Variants in FRMD4B observed in about 807,000 individuals in gnomAD.
FRMD4B encodes the protein FERM domain-containing protein 4B.
A neutral mutation model predicts 141.5 loss-of-function variants in FRMD4B; 74 were observed. The ratio of observed to expected loss-of-function variants is 0.52; its 90% CI spans 0.43 to 0.63. The LOEUF is 0.63. Among genes scored for constraint, FRMD4B ranks in the 30% least tolerant of loss-of-function variants. FRMD4B has a pLI of 0.00. For synonymous variants in FRMD4B, 506 were observed against 467.9 expected, an observed-to-expected ratio of 1.08 and a Z score of -1.05; for missense variants, 1,366 against 1,253.4, an observed-to-expected ratio of 1.09 and a Z score of -1.36.
At chr3:69,272,357 A>G (rs2093598305) in intron 5 of FRMD4B, among the ~76,000 whole-genome samples, 1 of 152,158 alleles carries the variant, frequency 6.6e-6, no homozygotes, top group African/African-American at 2.4e-5. Context: ...TCTAGGTTTT[A>G]GCATGTTGGC....
At chr3:69,494,706 A>C (rs1706356654) in intron 1 of FRMD4B, among the ~76,000 whole-genome samples, 1 of 152,192 alleles carries the variant, frequency 6.6e-6, no homozygotes, top group South Asian at 2.1e-4. Context: ...AGCCTGACCA[A>C]CATGGTGAAA....
At chr3:69,415,431 ACCTCT>A (rs1704841134) in intron 2 of FRMD4B, among the ~76,000 whole-genome samples, 1 of 151,494 alleles carries the variant, frequency 6.6e-6, no homozygotes, top group Non-Finnish European at 1.5e-5. Context: ...AGCCCCATCT[ACCTCT>A]CCCTTGCCCC....
intron 4 of FRMD4B, among the ~76,000 whole-genome samples, chr3:69,288,659 G>A (rs917615562): frequency 4.6e-5 from 7 of 152,212 alleles, no homozygotes; most frequent in Non-Finnish European, 1.0e-4. Flanking sequence ...GTGCGAGTGG[G>A]CAAGCTGGGG....
chr3:69,279,551 C>T (rs930201675), intron 5 of FRMD4B, among the ~76,000 whole-genome samples: 1 of 152,186 alleles, frequency 6.6e-6, no homozygotes, highest in Non-Finnish European at 1.5e-5. Flanking sequence ...CCTCAAACTC[C>T]TGTGCTCAAG....
At chr3:69,271,269 C>G (rs959564786) in intron 5 of FRMD4B, among the ~76,000 whole-genome samples, 22 of 152,188 alleles carry the variant, frequency 1.4e-4, no homozygotes, top group African/African-American at 5.1e-4. Context: ...CTTGGGCTGG[C>G]GATATACCAG....
chr3:69,329,294 T>C (rs1702284223), intron 1 of FRMD4B, among the ~76,000 whole-genome samples: 1 of 152,146 alleles, frequency 6.6e-6, no homozygotes, highest in African/African-American at 2.4e-5. Context: ...TTGTTGTGCA[T>C]AGAACTTGGC....
At chr3:69,520,190 A>AATATATATATGATGGAAT (rs1700833379) in intron 1 of FRMD4B, among the ~76,000 whole-genome samples, 1 of 103,794 alleles carries the variant, frequency 9.6e-6, no homozygotes, top group Non-Finnish European at 1.8e-5. Flanking sequence ...TATATGATGG[A>AATATATATATGATGGAAT]ATATATATAT....
intron 10 of FRMD4B, 23 bp downstream of exon 10, chr3:69,218,299 C>A (rs1256133718): frequency 1.5e-6 from 2 of 1,291,928 alleles, no homozygotes; most frequent in Non-Finnish European, 2.2e-6. Flanking sequence ...ATCACGAAAG[C>A]TTTGTCATGT....
chr3:69,338,550 GA>G (rs142059248), intron 1 of FRMD4B, among the ~76,000 whole-genome samples: 5,545 of 152,280 alleles, frequency 0.036, 366 homozygotes, highest in African/African-American at 0.13. Context: ...AATGGAGCTG[GA>G]GGTCATTATC....
intron 7 of FRMD4B, among the ~76,000 whole-genome samples, chr3:69,231,661 C>G (rs2093306640): frequency 6.6e-6 from 1 of 152,204 alleles, no homozygotes; most frequent in Admixed American, 6.5e-5. Context: ...ATATAATTCA[C>G]AACAAAAATG....
rs750616162 is a variant in FRMD4B at position 69,193,705 on chromosome 3, T to G, written c.1657A>C (p.Asn553His). 7 of 1,613,868 alleles carry G rather than the reference T, an allele frequency of 4.3e-6. No individual in the cohort carries two copies. The highest frequency in any genetic ancestry group is 5.9e-6 in the Non-Finnish European group (7 of 1,179,770). ...TTTCCACACCTAATTCGGTATTCGT[T>G]TATTGCATTTTCAATCTCCTGAAGC... is the stretch of plus-strand genomic sequence containing the variant. ...KKLQEIENAI[N>H]EYRIRCGKKP... The change falls in exon 17 of 23, where the codon AAC becomes CAC. Residue 553 changes from asparagine (N) to histidine (H), a missense_variant. By Grantham distance (68) the Asn-to-His change is moderately conservative (BLOSUM62 1). Coordinates refer to ENST00000398540, the MANE Select transcript of FRMD4B (RefSeq NM_015123.3).
intron 11 of FRMD4B, among the ~76,000 whole-genome samples, chr3:69,207,811 A>T (rs9873461): frequency 6.6e-6 from 1 of 151,238 alleles, no homozygotes; most frequent in African/African-American, 2.4e-5. Context: ...CGTCTCAAAA[A>T]AAAAAAAAAG....
intron 4 of FRMD4B, among the ~76,000 whole-genome samples, chr3:69,288,486 T>TAGGATTTTGCTTGTTCAATCTGTGAAACC (rs1700768640): frequency 6.6e-6 from 1 of 152,266 alleles, no homozygotes; most frequent in African/African-American, 2.4e-5. Context: ...ACTCCCTTTC[T>TAGGATTTTGCTTGTTCAATCTGTGAAACC]AGGATTTTGC....
chr3:69,489,581 T>A (rs1706271193), intron 1 of FRMD4B, among the ~76,000 whole-genome samples: 1 of 152,084 alleles, frequency 6.6e-6, no homozygotes, highest in Non-Finnish European at 1.5e-5. Flanking sequence ...AAAAGACAGA[T>A]AATAAATGTT....
rs9811665 is a variant in FRMD4B, at chr3:69,490,354, G to A, written c.-129+51852C>T. Among the ~76,000 whole-genome samples, 386 of 152,270 alleles carry A rather than the reference G, an allele frequency of 2.5e-3. 2 individuals carry two copies. Among genetic ancestry groups the A allele is most frequent in the African/African-American group, 8.9e-3 (372 of 41,568 alleles). On this transcript the variant is annotated intron_variant, in intron 1 of 5. Transcript: ENST00000459638. ...TTAGTCTCTTTTCTTTAAGATCTTT[G>A]CATCAGTTCTTCTTTTTGTCATGAA...
At chr3:69,277,073 G>A (rs1423907223) in intron 5 of FRMD4B, among the ~76,000 whole-genome samples, 2 of 152,204 alleles carry the variant, frequency 1.3e-5, no homozygotes, top group East Asian at 3.9e-4. Context: ...AATGGGGTAA[G>A]AGGGAAGATA....
At chr3:69,367,381 C>T (rs189889112) in intron 1 of FRMD4B, among the ~76,000 whole-genome samples, 14 of 152,270 alleles carry the variant, frequency 9.2e-5, no homozygotes, top group Non-Finnish European at 1.6e-4. Context: ...TGTCCAGCCC[C>T]ATCCCTCCAC....
At chr3:69,347,076 T>G (rs1702972237) in intron 1 of FRMD4B, among the ~76,000 whole-genome samples, 1 of 152,150 alleles carries the variant, frequency 6.6e-6, no homozygotes, top group Non-Finnish European at 1.5e-5. Flanking sequence ...TGTGCTGTAT[T>G]CAGGAGACCC....
rs2092561595 is a variant in FRMD4B at position 69,168,878 on chromosome 3, G to A, written c.*2983C>T. ...AATTTTTGTCAAATATAGAAAAATA[G>A]ATAAACATCTAGTAGGGTGAGGCAA... On this transcript the variant is annotated 3_prime_UTR_variant, in exon 23 of 23. Coordinates refer to ENST00000398540, the MANE Select transcript of FRMD4B (RefSeq NM_015123.3). Among the ~76,000 whole-genome samples, 1 of 152,128 alleles carries A rather than the reference G, an allele frequency of 6.6e-6. No homozygotes were observed. Among genetic ancestry groups the A allele is most frequent in the Non-Finnish European group, 1.5e-5 (1 of 68,014 alleles).
Sources: gnomAD v4.1 joint callset for allele counts (sites outside exome capture counted in the v4.1 genomes callset) on GRCh38, gnomAD v4.1.1 for gene constraint, MANE v1.5 for transcripts, NCBI Gene and HGNC (gene_info 2026-07-23, HGNC 2026-07-21) for gene names.